Variants in F13B observed in about 807,000 individuals in gnomAD.
F13B encodes the protein TGase.
A neutral mutation model predicts 79.8 loss-of-function variants in F13B; 58 were observed. That is an observed-to-expected ratio of 0.73 (90% CI 0.59 to 0.90). The LOEUF (loss-of-function observed/expected upper bound fraction) is 0.90. F13B is among the 40% of genes least tolerant of loss of function. F13B has a pLI of 0.00. For synonymous variants in F13B, 283 were observed against 260.3 expected (o/e 1.09, Z -0.84); for missense variants, 773 against 777.0 (o/e 0.99, Z 0.06).
In F13B at chr1:197,062,922, C is replaced by G; in HGVS notation, c.200G>C (p.Ser67Thr). 1 of 1,613,884 alleles carries G rather than the reference C, an allele frequency of 6.2e-7. No homozygotes were observed. Among genetic ancestry groups the G allele is most frequent in the Non-Finnish European group, 8.5e-7 (1 of 1,179,826 alleles). Residue 67 changes from serine (S) to threonine (T), a missense_variant, in exon 2 of 12, where the codon AGT (serine) becomes ACT (threonine). By Grantham distance (58) the Ser-to-Thr change is moderately conservative. Coordinates refer to ENST00000367412, the MANE Select transcript of F13B (RefSeq NM_001994.3). Reference sequence around the variant, plus strand: ...CGTGGTTTGCTCTTCTTGTCTTCCACTTTCAGTGGTATAACCAGCCAAGCA... The same window carrying G: ...CGTGGTTTGCTCTTCTTGTCTTCCAGTTTCAGTGGTATAACCAGCCAAGCA... ...FFCLAGYTTESGRQEEQTTCT... is the reference protein window; with the variant it reads ...FFCLAGYTTETGRQEEQTTCT...
chr1:197,055,936 T>G, intron 7 of F13B, 39 bp from the exon 8 acceptor site: 59 of 1,439,640 alleles, frequency 4.1e-5, no homozygotes, highest in Middle Eastern at 1.8e-4. Flanking sequence ...TATGAGCTCA[T>G]AACAATATAC....
intron 2 of F13B, 83 bp from the exon 3 acceptor site, chr1:197,062,052 T>A: frequency 8.4e-7 from 1 of 1,192,078 alleles, no homozygotes; most frequent in Non-Finnish European, 1.2e-6. Flanking sequence ...AAAAGTATAA[T>A]GTTATTATTG....
chr1:197,064,092 T>G (rs1026242306), intron 1 of F13B, among the ~76,000 whole-genome samples: 5 of 152,052 alleles, frequency 3.3e-5, no homozygotes, highest in Admixed American at 6.6e-5. Flanking sequence ...AAATGAAAAT[T>G]TAAACCACCA....
chr1:197,042,809 A>G (rs1655091094), intron 10 of F13B, among the ~76,000 whole-genome samples: 1 of 148,794 alleles, frequency 6.7e-6, no homozygotes, highest in Non-Finnish European at 1.5e-5. Flanking sequence ...CAACAAAAGG[A>G]GACTGTCTAA....
At chr1:197,042,143 A>T (rs1007138448) in intron 10 of F13B, among the ~76,000 whole-genome samples, 1 of 152,232 alleles carries the variant, frequency 6.6e-6, no homozygotes, top group African/African-American at 2.4e-5. Flanking sequence ...CGCAGCTGAG[A>T]GCACTGTGTT....
chr1:197,055,339 T>C (rs1414865629), intron 8 of F13B, among the ~76,000 whole-genome samples: 2 of 151,940 alleles, frequency 1.3e-5, no homozygotes, highest in Non-Finnish European at 2.9e-5. Context: ...AAGGAAAGAA[T>C]AGGACTAATT....
chr1:197,058,727 C>A (rs1333467559), intron 5 of F13B, among the ~76,000 whole-genome samples: 1 of 151,960 alleles, frequency 6.6e-6, no homozygotes, highest in Non-Finnish European at 1.5e-5. Context: ...TGTCTTGTAC[C>A]GTGTAAGGTA....
chr1:197,052,862 C>A, intron 8 of F13B, 28 bp from the exon 9 acceptor site: 2 of 1,538,804 alleles, frequency 1.3e-6, no homozygotes, highest in Non-Finnish European at 1.8e-6. Flanking sequence ...CTTTTAAATT[C>A]TTTACTTGTC....
chr1:197,063,073 G>A lies in F13B; in HGVS notation c.65-16C>T, dbSNP rs1032851084. 5 of 1,600,694 alleles carry A rather than the reference G, an allele frequency of 3.1e-6. No homozygotes were observed. The highest frequency in any genetic ancestry group is 1.1e-5 in the South Asian group (1 of 90,566). ...CAGGGTTTCTCTGAAATGAGTAAAT[G>A]TCAAGCTGAAAATGGAAAAACAAAT... On this transcript the variant is annotated splice_polypyrimidine_tract_variant and intron_variant, in intron 1 of 11. Coordinates refer to ENST00000367412, the MANE Select transcript of F13B (RefSeq NM_001994.3).
chr1:197,050,976 G>T, intron 9 of F13B, 97 bp from the exon 10 acceptor site: 1 of 1,044,842 alleles, frequency 9.6e-7, no homozygotes, highest in Non-Finnish European at 1.4e-6. Context: ...CTGTCACCCA[G>T]GCTGGAGTAT....
At chr1:197,063,458 G>A (rs1655941081) in intron 1 of F13B, among the ~76,000 whole-genome samples, 1 of 152,038 alleles carries the variant, frequency 6.6e-6, no homozygotes, top group Non-Finnish European at 1.5e-5. Flanking sequence ...AGGACTGCAG[G>A]CACATGCCAC....
At chr1:197,053,360 G>A (rs1287697353) in intron 8 of F13B, among the ~76,000 whole-genome samples, 1 of 152,120 alleles carries the variant, frequency 6.6e-6, no homozygotes, top group Non-Finnish European at 1.5e-5. Flanking sequence ...GAACCTGGTT[G>A]GAGGTAATTG....
At chr1:197,043,045 T>G (rs533002266) in intron 10 of F13B, among the ~76,000 whole-genome samples, 439 of 152,024 alleles carry the variant, frequency 2.9e-3, no homozygotes, top group Non-Finnish European at 5.0e-3. Context: ...TGTAGAGATA[T>G]GAGTTTGAGG....
At chr1:197,059,888 G>T (rs1359167005) in intron 5 of F13B, among the ~76,000 whole-genome samples, 2 of 151,964 alleles carry the variant, frequency 1.3e-5, no homozygotes, top group Non-Finnish European at 2.9e-5. Context: ...ACATTTTTGG[G>T]CAGCTTTTAC....
chr1:197,040,653 C>A lies in F13B; in HGVS notation c.1821G>T (p.Leu607Phe), dbSNP rs780903820. The change falls in exon 11 of 12, where the codon TTG becomes TTT. Residue 607 changes from leucine to phenylalanine, a missense_variant. Physicochemically the swap from Leu to Phe is conservative, Grantham distance 22. Transcript: ENST00000367412. The stretch of plus-strand genomic sequence containing the variant: ...AAATAAACTCAATATATTCACCATG[C>A]AAAATGTGTGGTCTATTGTCAAAAT... ...KWDFDNRPHILHGEYIEFICR... is the reference protein window; with the variant it reads ...KWDFDNRPHIFHGEYIEFICR... 6 of 1,612,858 alleles carry A rather than the reference C, an allele frequency of 3.7e-6. No homozygotes were observed. The highest frequency in any genetic ancestry group is 1.1e-5 in the South Asian group (1 of 91,034).
At chr1:197,059,178 T>G (rs1268865320) in intron 5 of F13B, among the ~76,000 whole-genome samples, 2 of 152,068 alleles carry the variant, frequency 1.3e-5, no homozygotes, top group East Asian at 3.9e-4. Context: ...ATCGTGCCAC[T>G]GCACTCTAGC....
intron 4 of F13B, 35 bp from the exon 5 acceptor site, chr1:197,060,577 A>G (rs1401661943): frequency 7.0e-7 from 1 of 1,437,532 alleles, no homozygotes; most frequent in East Asian, 2.3e-5. Flanking sequence ...TTACAAACAA[A>G]TGTTTATTTT....
At chr1:197,063,739 T>C (rs929514910) in intron 1 of F13B, among the ~76,000 whole-genome samples, 8 of 152,224 alleles carry the variant, frequency 5.3e-5, no homozygotes, top group African/African-American at 1.9e-4. Context: ...GGTTTTTATT[T>C]AACCCAATAT....
chr1:197,064,569 T>A (rs1270391574), intron 1 of F13B, among the ~76,000 whole-genome samples: 1 of 152,146 alleles, frequency 6.6e-6, no homozygotes, highest in Non-Finnish European at 1.5e-5. Context: ...TAATCCATGA[T>A]AATAGAAGTC....
Sources: gnomAD v4.1 joint callset for allele counts (sites outside exome capture counted in the v4.1 genomes callset) on GRCh38, gnomAD v4.1.1 for gene constraint, MANE v1.5 for transcripts, NCBI Gene and HGNC (gene_info 2026-07-23, HGNC 2026-07-21) for gene names.